KCNN2: variants seen among roughly 807,000 people sequenced by gnomAD.
KCNN2 encodes the protein potassium calcium-activated channel subfamily N member 2.
In KCNN2, 24 loss-of-function variants were observed where a neutral mutation model predicts 55.5. That is an observed-to-expected ratio of 0.43 (90% CI 0.31 to 0.61). The LOEUF is 0.61. Ranked by LOEUF, KCNN2 falls within the 20% of genes least tolerant of loss-of-function variation. The pLI, the probability that KCNN2 is intolerant of heterozygous loss-of-function variation, is 0.08. For synonymous variants in KCNN2, 431 were observed against 336.1 expected, an observed-to-expected ratio of 1.28 and a Z score of -3.09; for missense variants, 754 against 853.6, an observed-to-expected ratio of 0.88 and a Z score of 1.45.
At chr5:114,391,508 T>C (rs915416983) in intron 2 of KCNN2, among the ~76,000 whole-genome samples, 13 of 152,134 alleles carry the variant, frequency 8.5e-5, no homozygotes, top group Non-Finnish European at 1.8e-4. Flanking sequence ...ATGTTGTGTG[T>C]GTGTGTTTCC....
intron 2 of KCNN2, among the ~76,000 whole-genome samples, chr5:114,225,868 C>T (rs1754229151): frequency 6.6e-6 from 1 of 152,122 alleles, no homozygotes; most frequent in Non-Finnish European, 1.5e-5. Flanking sequence ...AGATAATCAT[C>T]CACGTATTCT....
chr5:114,176,426 C>G (rs1167246991), intron 1 of KCNN2, among the ~76,000 whole-genome samples: 2 of 152,058 alleles, frequency 1.3e-5, no homozygotes, highest in Non-Finnish European at 2.9e-5. Flanking sequence ...TCCCAGGGTT[C>G]AAAAGACTTT....
chr5:114,232,655 A>C (rs1176481588), intron 2 of KCNN2, among the ~76,000 whole-genome samples: 2 of 151,122 alleles, frequency 1.3e-5, no homozygotes, highest in Non-Finnish European at 2.9e-5. Context: ...ACTTTTAAAT[A>C]AATAATCCCC....
intron 1 of KCNN2, among the ~76,000 whole-genome samples, chr5:114,184,988 A>G (rs1022956529): frequency 6.6e-6 from 1 of 152,230 alleles, no homozygotes; most frequent in Admixed American, 6.5e-5. Context: ...AATCTACACA[A>G]TTCTAGCAAG....
chr5:114,116,588 A>G (rs1751712241), intron 1 of KCNN2, among the ~76,000 whole-genome samples: 1 of 152,164 alleles, frequency 6.6e-6, no homozygotes, highest in Non-Finnish European at 1.5e-5. Context: ...ATGCTTCAGG[A>G]GGCAGTTTAG....
intron 2 of KCNN2, among the ~76,000 whole-genome samples, chr5:114,313,318 A>G (rs1253870947): frequency 6.6e-6 from 1 of 152,144 alleles, no homozygotes; most frequent in African/African-American, 2.4e-5. Context: ...TCCACACAAC[A>G]GTTAACTATA....
chr5:114,276,740 A>C (rs1461972581), intron 2 of KCNN2, among the ~76,000 whole-genome samples: 1 of 146,938 alleles, frequency 6.8e-6, no homozygotes, highest in South Asian at 2.1e-4. Flanking sequence ...CTTGCACATG[A>C]GATGGGTCTC....
At chr5:114,266,806 A>G (rs542366990) in intron 2 of KCNN2, among the ~76,000 whole-genome samples, 2 of 152,272 alleles carry the variant, frequency 1.3e-5, no homozygotes, top group South Asian at 2.1e-4. Context: ...AGTACATAAT[A>G]TTATGTATTC....
intron 3 of KCNN2, among the ~76,000 whole-genome samples, chr5:114,446,318 A>C (rs1050212995): frequency 1.3e-5 from 2 of 152,194 alleles, no homozygotes; most frequent in Non-Finnish European, 2.9e-5. Context: ...GCAAAGAGGA[A>C]GTTCTTAGTG....
At chr5:114,379,129 G>A (rs1758025848) in intron 2 of KCNN2, among the ~76,000 whole-genome samples, 1 of 152,036 alleles carries the variant, frequency 6.6e-6, no homozygotes, top group Admixed American at 6.6e-5. Flanking sequence ...CCTAGTGCTT[G>A]TCATTCCTCT....
At chr5:114,417,533 G>A (rs934448327) in intron 3 of KCNN2, among the ~76,000 whole-genome samples, 1 of 152,050 alleles carries the variant, frequency 6.6e-6, no homozygotes. Context: ...ATCATTCACC[G>A]ACTATATCAT....
At chr5:114,455,769 C>A (rs1198937439) in intron 3 of KCNN2, among the ~76,000 whole-genome samples, 1 of 152,138 alleles carries the variant, frequency 6.6e-6, no homozygotes, top group Middle Eastern at 3.2e-3. Flanking sequence ...AGCCTTAATG[C>A]GGTTATGGAG....
Position 114,272,390 on chromosome 5 carries a change from CACACATATATGTATGTACATATCT to C in KCNN2, c.-185+50831_-185+50854del, listed in dbSNP as rs1298737506. On this transcript the variant is annotated intron_variant, in intron 2 of 10. Transcript: ENST00000512097. ...ACACACATATGTATGTACATATATA[CACACATATATGTATGTACATATCT>C]ACACACATATGTACGTACATATCAT... 1.2e-4 allele frequency among the ~76,000 whole-genome samples: 11 copies of C among 89,626 alleles called. 1 individual carries two copies. The highest frequency in any genetic ancestry group is 4.4e-4 in the African/African-American group (11 of 24,740). 58.8% of individuals were successfully genotyped at this position (89,626 alleles called of 152,430 possible). A position where few individuals can be genotyped will look rare whatever the true frequency, so the allele number is the denominator to read the frequency against.
intron 2 of KCNN2, among the ~76,000 whole-genome samples, chr5:114,260,705 A>G (rs567855650): frequency 1.3e-5 from 2 of 152,310 alleles, no homozygotes; most frequent in South Asian, 4.1e-4. Context: ...TCTTTTTCTG[A>G]GAACAATTTA....
intron 2 of KCNN2, among the ~76,000 whole-genome samples, chr5:114,325,905 C>CTA (rs1378678841): frequency 6.6e-5 from 10 of 152,300 alleles, no homozygotes; most frequent in Admixed American, 5.9e-4. Context: ...TAGGGCAGTA[C>CTA]TATATACATC....
chr5:114,319,006 T>C (rs1756559942), intron 2 of KCNN2, among the ~76,000 whole-genome samples: 1 of 152,020 alleles, frequency 6.6e-6, no homozygotes, highest in Admixed American at 6.5e-5. Flanking sequence ...TGCGATTTTA[T>C]CATTCATTCT....
chr5:114,282,528 T>C (rs1050034903), intron 2 of KCNN2, among the ~76,000 whole-genome samples: 2 of 152,274 alleles, frequency 1.3e-5, no homozygotes, highest in South Asian at 2.1e-4. Context: ...TACTTATATA[T>C]TTTTATGCAA....
rs367692457 is a variant in KCNN2, at chr5:114,286,305, T to C, written c.-185+64740T>C. 1.1e-4 allele frequency among the ~76,000 whole-genome samples: 16 copies of C among 152,284 alleles called. No individual in the cohort carries two copies. In the South Asian group the frequency reaches 3.3e-3, roughly 32 times the overall value. On this transcript the variant is annotated intron_variant, in intron 2 of 10. Coordinates refer to the KCNN2 transcript ENST00000512097. ...AAGGTGATGGGTTTAGTTTTGAACATGCCCTTGGTATCAGAGAAGCAGTTA... is the reference window on the plus strand; with the variant it reads ...AAGGTGATGGGTTTAGTTTTGAACACGCCCTTGGTATCAGAGAAGCAGTTA...
At chr5:114,446,396 C>G (rs1037136403) in intron 3 of KCNN2, among the ~76,000 whole-genome samples, 2 of 152,184 alleles carry the variant, frequency 1.3e-5, no homozygotes, top group Non-Finnish European at 2.9e-5. Context: ...GTGGATCTCA[C>G]AACTTGGCTC....
Sources: allele counts gnomAD v4.1 joint callset (sites outside exome capture counted in the v4.1 genomes callset), GRCh38; gene constraint gnomAD v4.1.1; transcripts MANE v1.5; gene names NCBI Gene and HGNC (gene_info 2026-07-23, HGNC 2026-07-21).